Variants in POU2F1 observed in about 807,000 individuals in gnomAD.
POU2F1 encodes the protein POU domain, class 2, transcription factor 1.
A neutral mutation model predicts 84.9 loss-of-function variants in POU2F1; 16 were observed. The observed-to-expected ratio is 0.19, with a 90% CI of 0.13 to 0.29. The LOEUF (loss-of-function observed/expected upper bound fraction) is 0.29. POU2F1 is among the 10% of genes least tolerant of loss of function. The pLI is 1.00. For synonymous variants in POU2F1, 368 were observed against 368.3 expected, an observed-to-expected ratio of 1.00 and a Z score of 0.01; for missense variants, 738 against 942.6, an observed-to-expected ratio of 0.78 and a Z score of 2.84.
intron 9 of POU2F1, 132 bp downstream of exon 9, chr1:167,389,893 A>G: frequency 1.0e-6 from 1 of 1,004,814 alleles, no homozygotes; most frequent in East Asian, 2.6e-5. Context: ...ACGAAAAAGG[A>G]TGGTCATGTC....
intron 13 of POU2F1, among the ~76,000 whole-genome samples, chr1:167,411,623 TTTC>T (rs1231315533): frequency 6.6e-6 from 1 of 152,164 alleles, no homozygotes; most frequent in East Asian, 1.9e-4. Flanking sequence ...TACAGAAGTT[TTTC>T]TTCTTTTGCT....
At chr1:167,315,296 A>T (rs973412841) in intron 1 of POU2F1, among the ~76,000 whole-genome samples, 1 of 152,252 alleles carries the variant, frequency 6.6e-6, no homozygotes, top group Admixed American at 6.5e-5. Flanking sequence ...AAAAATATGT[A>T]TACAGATGTG....
intron 7 of POU2F1, chr1:167,379,735 A>T (rs1284021163): frequency 6.6e-6 from 1 of 152,220 alleles, no homozygotes; most frequent in Non-Finnish European, 1.5e-5. Flanking sequence ...CAAAGCCTTA[A>T]GATAGAATGA....
chr1:167,276,458 A>G (rs1039464662), intron 1 of POU2F1, among the ~76,000 whole-genome samples: 1 of 152,192 alleles, frequency 6.6e-6, no homozygotes, highest in African/African-American at 2.4e-5. Context: ...AGGTATATAT[A>G]TATAGGAAAA....
At chr1:167,283,320 G>A (rs1190227322) in intron 1 of POU2F1, among the ~76,000 whole-genome samples, 4 of 151,862 alleles carry the variant, frequency 2.6e-5, no homozygotes, top group Non-Finnish European at 4.4e-5. Context: ...AAAAAAAAGA[G>A]GAAGAAGAGT....
chr1:167,327,501 G>C (rs1452000566), intron 1 of POU2F1, among the ~76,000 whole-genome samples: 1 of 152,144 alleles, frequency 6.6e-6, no homozygotes, highest in East Asian at 1.9e-4. Context: ...ACTTGCAAGG[G>C]AATCTTTTTA....
chr1:167,313,277 C>T (rs930117685), intron 1 of POU2F1, among the ~76,000 whole-genome samples: 4 of 152,114 alleles, frequency 2.6e-5, no homozygotes, highest in African/African-American at 9.7e-5. Flanking sequence ...AGGTTTAATG[C>T]AATTTCTATC....
intron 1 of POU2F1, among the ~76,000 whole-genome samples, chr1:167,316,202 G>A (rs778746468): frequency 6.6e-6 from 1 of 152,196 alleles, no homozygotes; most frequent in East Asian, 1.9e-4. Context: ...TGACATAGAA[G>A]CATACTTTAT....
chr1:167,317,400 C>T (rs1325513957), intron 1 of POU2F1, among the ~76,000 whole-genome samples: 1 of 152,202 alleles, frequency 6.6e-6, no homozygotes, highest in Non-Finnish European at 1.5e-5. Flanking sequence ...GACCCTAACC[C>T]AGTGGCGCTA....
chr1:167,335,249 T>A (rs1227625102), intron 2 of POU2F1, among the ~76,000 whole-genome samples: 1 of 152,164 alleles, frequency 6.6e-6, no homozygotes, highest in African/African-American at 2.4e-5. Context: ...GAGTTAACAA[T>A]TCATTAAGAG....
intron 5 of POU2F1, among the ~76,000 whole-genome samples, chr1:167,372,842 GT>G (rs1178995589): frequency 2.0e-5 from 3 of 152,104 alleles, no homozygotes; most frequent in African/African-American, 7.2e-5. Context: ...AATTATCTTT[GT>G]GGGGGTTGGT....
At chr1:167,274,795 G>T (rs1652606357) in intron 1 of POU2F1, among the ~76,000 whole-genome samples, 1 of 152,072 alleles carries the variant, frequency 6.6e-6, no homozygotes, top group Non-Finnish European at 1.5e-5. Context: ...ACGCTTTCTT[G>T]TAAATCCAGT....
At chr1:167,401,257 A>C (rs556787945) in intron 12 of POU2F1, among the ~76,000 whole-genome samples, 194 bp from the exon 13 acceptor site, 3 of 152,122 alleles carry the variant, frequency 2.0e-5, no homozygotes, top group Non-Finnish European at 2.9e-5. Flanking sequence ...AAATTTACGA[A>C]CTTTTTATTA....
chr1:167,237,009 T>C (rs1022610120), intron 1 of POU2F1, among the ~76,000 whole-genome samples: 3 of 152,194 alleles, frequency 2.0e-5, no homozygotes, highest in Non-Finnish European at 4.4e-5. Flanking sequence ...TTTTCAGTGC[T>C]GGATTTCACC....
intron 1 of POU2F1, among the ~76,000 whole-genome samples, chr1:167,248,245 C>T (rs1362081396): frequency 6.6e-6 from 1 of 152,194 alleles, no homozygotes; most frequent in East Asian, 1.9e-4. Context: ...GACAAGACAG[C>T]AAGTTAGTAG....
intron 2 of POU2F1, among the ~76,000 whole-genome samples, chr1:167,351,286 G>A (rs1303237538): frequency 2.0e-5 from 3 of 151,998 alleles, no homozygotes; most frequent in East Asian, 3.9e-4. Context: ...CCAGGGAGAC[G>A]GAAGTTGCAG....
chr1:167,266,863 C>G (rs1257339130), intron 1 of POU2F1, among the ~76,000 whole-genome samples: 4 of 152,078 alleles, frequency 2.6e-5, no homozygotes, highest in South Asian at 4.1e-4. Context: ...ACCTCATGAT[C>G]TGCCTGTCTT....
intron 8 of POU2F1, 70 bp downstream of exon 8, chr1:167,384,021 A>ATT: frequency 1.7e-6 from 2 of 1,146,628 alleles, no homozygotes; most frequent in Non-Finnish European, 2.4e-6. Context: ...ACTTTATTTA[A>ATT]TTTTTTTTTT....
In POU2F1 at chr1:167,338,683, T is replaced by C. The variant is rs548019599; in HGVS notation, c.127+6148T>C. On this transcript the variant is annotated intron_variant, in intron 2 of 15. Coordinates refer to ENST00000367866, the MANE Select transcript of POU2F1 (RefSeq NM_002697.4). ...AAGATGGTATTTCCCCATTCTTCCC[T>C]CTCCTCCACCTTTGGTAAAGTCTAT... Among the ~76,000 whole-genome samples, 4 of 152,380 alleles carry C rather than the reference T, an allele frequency of 2.6e-5. No individual in the cohort carries two copies. The East Asian group carries it at 5.8e-4, about 22-fold the overall frequency.
Sources: gnomAD v4.1 joint callset for allele counts (sites outside exome capture counted in the v4.1 genomes callset) on GRCh38, gnomAD v4.1.1 for gene constraint, MANE v1.5 for transcripts, NCBI Gene and HGNC (gene_info 2026-07-23, HGNC 2026-07-21) for gene names.